The following PRKN variants were observed in gnomAD, a reference collection of about 807,000 sequenced individuals.
PRKN encodes E3 ubiquitin-protein ligase parkin.
A neutral mutation model predicts 59.5 loss-of-function variants in PRKN; 56 were observed. The observed-to-expected ratio is 0.94, with a 90% CI of 0.76 to 1.18. The LOEUF is 1.18. PRKN is among the 50% of genes most tolerant of loss of function. The pLI is 0.00. For synonymous variants in PRKN, 250 were observed against 222.1 expected, an observed-to-expected ratio of 1.13 and a Z score of -1.12; for missense variants, 657 against 596.4, an observed-to-expected ratio of 1.10 and a Z score of -1.06.
At chr6:161,909,311 T>C (rs111814044) in intron 6 of PRKN, among the ~76,000 whole-genome samples, 17 of 152,312 alleles carry the variant, frequency 1.1e-4, no homozygotes, top group African/African-American at 4.1e-4. Context: ...AGAAGGTGAC[T>C]TGTTTTCCCC....
chr6:162,263,390 C>T (rs1023839880), intron 2 of PRKN: 14 of 172,226 alleles, frequency 8.1e-5, no homozygotes, highest in Admixed American at 7.1e-4. Context: ...TTTGAGTAGG[C>T]TCCACACACA....
chr6:162,525,679 C>T (rs1207791010), intron 1 of PRKN, among the ~76,000 whole-genome samples: 1 of 152,038 alleles, frequency 6.6e-6, no homozygotes, highest in South Asian at 2.1e-4. Flanking sequence ...CAATTTTGTT[C>T]ACTTCATATT....
At chr6:162,699,331 G>C (rs1778073050) in intron 1 of PRKN, among the ~76,000 whole-genome samples, 1 of 152,074 alleles carries the variant, frequency 6.6e-6, no homozygotes, top group African/African-American at 2.4e-5. Context: ...GCTGAAATAT[G>C]GGGAAAAGGC....
At chr6:162,005,500 T>A (rs1356672815) in intron 5 of PRKN, among the ~76,000 whole-genome samples, 1 of 150,764 alleles carries the variant, frequency 6.6e-6, no homozygotes, top group African/African-American at 2.5e-5. Flanking sequence ...CTCTGACTCT[T>A]GCACATGCTT....
intron 2 of PRKN, among the ~76,000 whole-genome samples, chr6:162,338,209 G>A (rs1391037951): frequency 2.0e-5 from 3 of 152,106 alleles, no homozygotes; most frequent in East Asian, 1.9e-4. Flanking sequence ...AAGGCTAATA[G>A]GTAAATCTAA....
chr6:161,404,379 G>A (rs934473924), intron 9 of PRKN, among the ~76,000 whole-genome samples: 1 of 152,158 alleles, frequency 6.6e-6, no homozygotes, highest in Non-Finnish European at 1.5e-5. Context: ...AGTCACAGAG[G>A]AGGAGATGAT....
intron 3 of PRKN, among the ~76,000 whole-genome samples, chr6:162,239,169 C>A (rs564550460): frequency 1.3e-5 from 2 of 152,160 alleles, no homozygotes; most frequent in South Asian, 4.2e-4. Context: ...TGTAGTAATA[C>A]GTCTCTATGG....
chr6:162,269,097 G>A (rs1374906497), intron 2 of PRKN, among the ~76,000 whole-genome samples: 1 of 152,164 alleles, frequency 6.6e-6, no homozygotes, highest in Non-Finnish European at 1.5e-5. Flanking sequence ...AGGTGAGCTG[G>A]TAACACACCT....
chr6:161,594,537 T>C (rs1781845233), intron 7 of PRKN, among the ~76,000 whole-genome samples: 1 of 152,208 alleles, frequency 6.6e-6, no homozygotes, highest in Non-Finnish European at 1.5e-5. Flanking sequence ...ATATATTTTC[T>C]CTCAGATTTT....
In PRKN at chr6:161,457,998, C is replaced by T. The variant is rs770955080; in HGVS notation, c.1084-71121G>A. On this transcript the variant is annotated intron_variant, in intron 9 of 11. Coordinates refer to ENST00000366898, the MANE Select transcript of PRKN (RefSeq NM_004562.3). This position sits in a 1 kb window ranked among gnomAD's most constrained non-coding sequence, Gnocchi z 5.0. ...GCTGAACTGTCATGCAGACAATGAC[C>T]GCCTTCTGATTTACTTGGGCTGCTC... Among the ~76,000 whole-genome samples the T allele has an allele frequency of 6.6e-6, 1 of 152,078 alleles. No individual in the cohort carries two copies. Among genetic ancestry groups the T allele is most frequent in the South Asian group, 2.1e-4 (1 of 4,828 alleles).
chr6:162,035,751 C>A (rs1276952104), intron 5 of PRKN, among the ~76,000 whole-genome samples: 1 of 152,056 alleles, frequency 6.6e-6, no homozygotes, highest in Non-Finnish European at 1.5e-5. Context: ...AGAGATAAGA[C>A]CCTCAAGGTT....
intron 6 of PRKN, among the ~76,000 whole-genome samples, chr6:161,962,722 A>G (rs1039779486): frequency 4.6e-5 from 7 of 151,886 alleles, no homozygotes; most frequent in African/African-American, 1.4e-4. Context: ...TTTTTAGTAG[A>G]GACGGGGGTT....
chr6:162,288,124 T>C (rs1781276380), intron 2 of PRKN, among the ~76,000 whole-genome samples: 1 of 152,164 alleles, frequency 6.6e-6, no homozygotes, highest in African/African-American at 2.4e-5. Context: ...TGCCTAACTC[T>C]TACAGTTTCC....
intron 6 of PRKN, among the ~76,000 whole-genome samples, chr6:161,909,945 G>T (rs893686292): frequency 6.6e-6 from 1 of 152,104 alleles, no homozygotes; most frequent in Non-Finnish European, 1.5e-5. Flanking sequence ...AAAACATGCC[G>T]GTGGGGGAAG....
intron 6 of PRKN, among the ~76,000 whole-genome samples, chr6:161,860,279 G>A (rs7763475): frequency 0.5 from 75,467 of 151,898 alleles, 18,960 homozygotes; most frequent in East Asian, 0.74. Context: ...CTCCTTTGTT[G>A]TGGTCCTTCT....
intron 1 of PRKN, among the ~76,000 whole-genome samples, chr6:162,467,371 T>C (rs1395137813): frequency 1.3e-5 from 2 of 152,130 alleles, no homozygotes; most frequent in Non-Finnish European, 2.9e-5. Context: ...GCACTTATCA[T>C]GCGCTCTCCT....
At chr6:161,680,819 T>C (rs1785333586) in intron 7 of PRKN, among the ~76,000 whole-genome samples, 1 of 140,684 alleles carries the variant, frequency 7.1e-6, no homozygotes, top group Admixed American at 7.5e-5. Flanking sequence ...GGAAAGGTAC[T>C]AAGCAGCTTA....
At chr6:162,174,528 A>T (rs962482909) in intron 4 of PRKN, among the ~76,000 whole-genome samples, 1 of 116,864 alleles carries the variant, frequency 8.6e-6, no homozygotes, top group Non-Finnish European at 1.8e-5. Context: ...TTAAAATACA[A>T]TTCTTCCAAT....
chr6:161,796,313 T>C (rs1790846466), intron 6 of PRKN, among the ~76,000 whole-genome samples: 1 of 152,190 alleles, frequency 6.6e-6, no homozygotes, highest in African/African-American at 2.4e-5. Context: ...AACATTACAA[T>C]GTAACAAGAG....
Sources: allele counts gnomAD v4.1 joint callset (sites outside exome capture counted in the v4.1 genomes callset), GRCh38; gene constraint gnomAD v4.1.1; non-coding constraint Gnocchi (gnomAD v3.1); transcripts MANE v1.5; gene names NCBI Gene and HGNC (gene_info 2026-07-23, HGNC 2026-07-21).